CFAP74: variants seen among roughly 807,000 people sequenced by gnomAD.
CFAP74 encodes the protein cilia and flagella associated protein 74, also known as cilia- and flagella-associated protein 74.
CFAP74 carries 124 observed loss-of-function variants against 188.9 expected under a neutral mutation model. The observed-to-expected ratio is 0.66, with a 90% CI of 0.57 to 0.76. The LOEUF is 0.76. CFAP74 is among the 30% of genes least tolerant of loss of function. The probability of loss-of-function intolerance (pLI) is 0.00; values close to 1 mark genes in which losing one functional copy is unlikely to be tolerated. For synonymous variants in CFAP74, 956 were observed against 916.7 expected, an observed-to-expected ratio of 1.04 and a Z score of -0.77; for missense variants, 2,198 against 2,165.2, an observed-to-expected ratio of 1.02 and a Z score of -0.30.
intron 6 of CFAP74, among the ~76,000 whole-genome samples, chr1:1,982,074 C>CAG (rs1246480304): frequency 7.6e-5 from 7 of 92,534 alleles, no homozygotes; most frequent in African/African-American, 1.1e-4. Context: ...CAGCCGTGGT[C>CAG]ACATGCGGGG....
intron 18 of CFAP74, 37 bp from the exon 19 acceptor site, chr1:1,947,091 A>G: frequency 4.7e-6 from 7 of 1,478,874 alleles, no homozygotes; most frequent in South Asian, 1.2e-5. Context: ...GAGGGTTGGC[A>G]GGGTGGAGGC....
At chr1:1,959,493 T>G (rs1654914424) in intron 15 of CFAP74, among the ~76,000 whole-genome samples, 1 of 152,220 alleles carries the variant, frequency 6.6e-6, no homozygotes, top group Non-Finnish European at 1.5e-5. Context: ...CTTGAACTTC[T>G]GGGCTCAAGC....
In CFAP74 at chr1:1,944,380, T is replaced by A; in HGVS notation, c.2437A>T (p.Ile813Phe). 6.5e-7 allele frequency: 1 copy of A among 1,536,016 alleles called. No homozygotes were observed. ...WVPKPSVDLKICMYDRLYQDS... is the reference protein window; with the variant it reads ...WVPKPSVDLKFCMYDRLYQDS... ...TGGTAGAGCCGGTCATACATGCAGA[T>A]CTTCAGGTCCACGCTGGGCTTCGGC... is the stretch of plus-strand genomic sequence containing the variant. The change falls in exon 21 of 39, where the codon ATC becomes TTC. Residue 813 changes from isoleucine (I) to phenylalanine (F), a missense_variant. Ile to Phe is a conservative substitution (Grantham distance 21). Transcript: ENST00000682832.
intron 6 of CFAP74, among the ~76,000 whole-genome samples, chr1:1,976,852 T>C (rs1656480219): frequency 1.5e-5 from 2 of 132,622 alleles, no homozygotes; most frequent in East Asian, 2.2e-4. Context: ...CCAAACCTCT[T>C]TTCTTTTTTT....
At position 1,966,409 on chromosome 1, in the gene CFAP74, T is replaced by C; in HGVS notation, c.1363A>G (p.Ile455Val). 6.3e-7 allele frequency: 1 copy of C among 1,598,878 alleles called. No individual in the cohort carries two copies. The highest frequency in any genetic ancestry group is 1.1e-5 in the South Asian group (1 of 89,148). The change falls in exon 12 of 39, where the codon ATC becomes GTC. Residue 455 changes from isoleucine (I) to valine (V), a missense_variant. Ile to Val is a conservative substitution (Grantham distance 29). Coordinates refer to ENST00000682832, the MANE Select transcript of CFAP74 (RefSeq NM_001304360.2). ...SEEETLAEPE[I>V]SGLWNEDYKP... The stretch of plus-strand genomic sequence containing the variant: ...TAGTCTTCATTCCAAAGCCCAGAGA[T>C]CTCGGGCTCAGCTAACGTTTCCTCC...
Position 1,926,713 on chromosome 1 carries a change from T to C in CFAP74, c.3711A>G (p.Pro1237=), listed in dbSNP as rs1422415724. The change falls in exon 30 of 39, where the codon CCA becomes CCG. Residue 1237 remains proline (P), a synonymous_variant. Transcript: ENST00000682832. ...YLELWCPTVA[P]SVVVTSHKGK... ...CTTTATGGGACGTCACCACAACAGA[T>C]GGTGCCACCGTCGGGCACCACAGCT... The C allele has an allele frequency of 5.2e-6, 8 of 1,549,840 alleles. No homozygotes were observed. The highest frequency in any genetic ancestry group is 6.1e-6 in the Non-Finnish European group (7 of 1,146,802).
intron 25 of CFAP74, among the ~76,000 whole-genome samples, chr1:1,932,719 A>G (rs1652515071): frequency 6.6e-6 from 1 of 150,840 alleles, no homozygotes; most frequent in Non-Finnish European, 1.5e-5. Context: ...CAGTCTCCCA[A>G]GTAGCTGGGA....
intron 6 of CFAP74, among the ~76,000 whole-genome samples, chr1:1,982,447 A>C (rs1229700361): frequency 6.6e-6 from 1 of 152,240 alleles, no homozygotes; most frequent in Non-Finnish European, 1.5e-5. Flanking sequence ...ACGCATATGC[A>C]TGAGCCCCAT....
At position 1,942,040 on chromosome 1, in the gene CFAP74, T is replaced by C; in HGVS notation, c.2603A>G (p.Lys868Arg). The change falls in exon 22 of 39, where the codon AAG becomes AGG. Residue 868 changes from lysine to arginine, a missense_variant. Transcript: ENST00000682832. This position sits in a 1 kb window ranked among gnomAD's most constrained non-coding sequence, Gnocchi z 4.3. ...QAQSSYSVQL[K>R]FLPRHSLPED... is the part of the protein sequence containing the mutation. The stretch of plus-strand genomic sequence containing the variant: ...TCCTGGCACCTACCGCGGCAGGAAC[T>C]TGAGCTGCACGGAGTAGGACGACTG... 6.6e-7 allele frequency: 1 copy of C among 1,510,986 alleles called. No homozygotes were observed. Among genetic ancestry groups the C allele is most frequent in the Non-Finnish European group, 8.8e-7 (1 of 1,135,994 alleles). The allele number at this position is 1,510,986 out of a possible 1,614,324, so 93.6% of individuals were successfully genotyped here.
rs759751859 is a variant in CFAP74, at chr1:1,924,539, G to C, written c.4105-19C>G. ...TCTGCAGCTGCAGAGAGCAGGCCGC[G>C]GTCACTGCCCGCCAGCCCCTGCCTG... On this transcript the variant is annotated intron_variant, in intron 33 of 38. Transcript: ENST00000682832. 7 of 1,593,026 alleles carry C rather than the reference G, an allele frequency of 4.4e-6. No individual in the cohort carries two copies. Among genetic ancestry groups the C allele is most frequent in the Admixed American group, 1.7e-5 (1 of 57,740 alleles).
At chr1:1,941,958 G>T in intron 22 of CFAP74, 70 bp downstream of exon 22, 1 of 1,383,006 alleles carries the variant, frequency 7.2e-7, no homozygotes, top group South Asian at 1.7e-5. Context: ...AGTGGCCAGT[G>T]GCGAGGAGCG....
intron 18 of CFAP74, chr1:1,954,122 G>C (rs1654373392): frequency 6.6e-6 from 1 of 152,298 alleles, no homozygotes; most frequent in Non-Finnish European, 1.5e-5. Context: ...TGGTGATCTG[G>C]GAAACCAAAA....
chr1:1,943,343 G>A (rs569022007), intron 21 of CFAP74, among the ~76,000 whole-genome samples: 7 of 152,312 alleles, frequency 4.6e-5, no homozygotes, highest in African/African-American at 1.2e-4. Flanking sequence ...CCGGGTCACC[G>A]CAGGCTGCAC....
chr1:1,923,217 T>C lies in CFAP74; in HGVS notation c.4523-72A>G. The C allele has an allele frequency of 6.6e-7, 1 of 1,517,660 alleles. No individual in the cohort carries two copies. Among genetic ancestry groups the C allele is most frequent in the Non-Finnish European group, 8.9e-7 (1 of 1,128,082 alleles). The allele number at this position is 1,517,660 out of a possible 1,614,324, so 94.0% of individuals were successfully genotyped here. On this transcript the variant is annotated intron_variant, in intron 36 of 38. Transcript: ENST00000682832. This position sits in a 1 kb window ranked among gnomAD's most constrained non-coding sequence, Gnocchi z 6.3. ...TGGGGTGAGGCTGCAGCTGGACTCC[T>C]GAACTCTGGTTAGCAGTGGCTGTCC...
Position 1,922,171 on chromosome 1 carries a change from TG to T in CFAP74, c.*115del. ...TGGCGCCATGTGGAGGGCGGCCTATTGGAATCTGGCAGAGGATGGCCAGGTC... is the reference window on the plus strand; with the variant it reads ...TGGCGCCATGTGGAGGGCGGCCTATTGAATCTGGCAGAGGATGGCCAGGTC... On this transcript the variant is annotated 3_prime_UTR_variant, in exon 39 of 39. Coordinates refer to ENST00000682832, the MANE Select transcript of CFAP74 (RefSeq NM_001304360.2). 1 of 476,744 alleles carries T rather than the reference TG, an allele frequency of 2.1e-6. No individual in the cohort carries two copies. The highest frequency in any genetic ancestry group is 3.4e-6 in the Non-Finnish European group (1 of 291,910). 29.5% of individuals were successfully genotyped at this position (476,744 alleles called of 1,614,324 possible).
Position 1,942,244 on chromosome 1 carries a change from G to A in CFAP74, c.2487-88C>T. 1 of 1,313,790 alleles carries A rather than the reference G, an allele frequency of 7.6e-7. No homozygotes were observed. 81.4% of individuals were successfully genotyped at this position (1,313,790 alleles called of 1,614,324 possible). On this transcript the variant is annotated intron_variant, in intron 21 of 38. Coordinates refer to ENST00000682832, the MANE Select transcript of CFAP74 (RefSeq NM_001304360.2). The surrounding 1 kb of genome is among the most constrained non-coding windows in gnomAD (Gnocchi z 4.3). ...GCCTGGAGTTATTAAAACATTTCTG[G>A]CACCCAAGCCCCCGAGAGGTGCTCA...
At chr1:1,993,198 C>CAAA (rs58970740) in intron 1 of CFAP74, among the ~76,000 whole-genome samples, 2 of 90,466 alleles carry the variant, frequency 2.2e-5, no homozygotes, top group Non-Finnish European at 4.6e-5. Context: ...AAGACTGTCT[C>CAAA]AAAAAAAAAA....
In CFAP74 at chr1:1,944,374, T is replaced by G. The variant is rs1466546626; in HGVS notation, c.2443A>C (p.Met815Leu). ...PKPSVDLKIC[M>L]YDRLYQDSVL... ...GAGTCCTGGTAGAGCCGGTCATACA[T>G]GCAGATCTTCAGGTCCACGCTGGGC... Residue 815 changes from methionine (M) to leucine (L), a missense_variant, in exon 21 of 39, where the codon ATG becomes CTG. Met to Leu is a conservative substitution (Grantham distance 15). Coordinates refer to ENST00000682832, the MANE Select transcript of CFAP74 (RefSeq NM_001304360.2). The G allele has an allele frequency of 1.5e-5, 23 of 1,535,940 alleles. No individual in the cohort carries two copies. The highest frequency in any genetic ancestry group is 2.0e-5 in the Non-Finnish European group (23 of 1,146,912).
chr1:1,987,061 T>A, intron 4 of CFAP74, 26 bp from the exon 5 acceptor site: 1 of 1,563,382 alleles, frequency 6.4e-7, no homozygotes, highest in Non-Finnish European at 8.7e-7. Flanking sequence ...AAAGGTCAGA[T>A]GATGGTTCCC....
Sources: allele counts gnomAD v4.1 joint callset (sites outside exome capture counted in the v4.1 genomes callset), GRCh38; gene constraint gnomAD v4.1.1; non-coding constraint Gnocchi (gnomAD v3.1); transcripts MANE v1.5; gene names NCBI Gene and HGNC (gene_info 2026-07-23, HGNC 2026-07-21).